PRKCQ: variants seen among roughly 807,000 people sequenced by gnomAD.
The protein encoded by PRKCQ is protein kinase C theta type.
A neutral mutation model predicts 91.2 loss-of-function variants in PRKCQ; 41 were observed. The observed-to-expected ratio is 0.45, with a 90% CI of 0.35 to 0.58. PRKCQ has a LOEUF of 0.58. PRKCQ is among the 20% of genes least tolerant of loss of function. The probability of loss-of-function intolerance (pLI) is 0.00; values close to 1 mark genes in which losing one functional copy is unlikely to be tolerated. For synonymous variants in PRKCQ, 307 were observed against 316.9 expected (o/e 0.97, Z 0.33); for missense variants, 673 against 896.5 (o/e 0.75, Z 3.18).
chr10:6,429,569 C>T (rs986974998), intron 17 of PRKCQ, among the ~76,000 whole-genome samples: 3 of 152,076 alleles, frequency 2.0e-5, no homozygotes, highest in African/African-American at 4.8e-5. Flanking sequence ...TGAGCCTGGC[C>T]CCCTTCAGCA....
At chr10:6,509,143 G>A (rs897568658) in intron 3 of PRKCQ, among the ~76,000 whole-genome samples, 2 of 152,144 alleles carry the variant, frequency 1.3e-5, no homozygotes, top group Non-Finnish European at 2.9e-5. Flanking sequence ...TTGGTTAAAT[G>A]AGCATCTGAA....
chr10:6,501,967 G>T (rs762207785), intron 4 of PRKCQ, among the ~76,000 whole-genome samples: 1 of 152,198 alleles, frequency 6.6e-6, no homozygotes, highest in Non-Finnish European at 1.5e-5. Context: ...GGTAGGAATA[G>T]CCATTGTGTG....
intron 1 of PRKCQ, among the ~76,000 whole-genome samples, chr10:6,528,420 C>T (rs569651247): frequency 6.6e-6 from 1 of 152,218 alleles, no homozygotes; most frequent in East Asian, 1.9e-4. Context: ...GCATCCTCCT[C>T]GGTTGGCAGG....
intron 15 of PRKCQ, among the ~76,000 whole-genome samples, chr10:6,450,469 A>C (rs1194581878): frequency 6.6e-6 from 1 of 152,218 alleles, no homozygotes; most frequent in African/African-American, 2.4e-5. Context: ...AGACTCCCAC[A>C]CAATAATAAT....
intron 1 of PRKCQ, among the ~76,000 whole-genome samples, chr10:6,521,919 T>G (rs1439501298): frequency 2.1e-5 from 1 of 47,170 alleles, no homozygotes; most frequent in African/African-American, 5.0e-5. Flanking sequence ...TATGTTATGT[T>G]ATGTTATTTA....
At chr10:6,411,034 A>ACAC in the PRKCQ span, among the ~76,000 whole-genome samples, 1 of 152,086 alleles carries the variant, frequency 6.6e-6, no homozygotes, top group East Asian at 1.9e-4. Context: ...CTGTTGAGAA[A>ACAC]CACGGCGGAC....
the PRKCQ span, among the ~76,000 whole-genome samples, chr10:6,413,590 A>G: frequency 1.3e-4 from 5 of 38,366 alleles, no homozygotes; most frequent in African/African-American, 3.3e-4. Flanking sequence ...CCACTTGTGC[A>G]CACACACACA....
At chr10:6,394,589 A>G in the PRKCQ span, among the ~76,000 whole-genome samples, 1 of 152,208 alleles carries the variant, frequency 6.6e-6, no homozygotes, top group Non-Finnish European at 1.5e-5. Context: ...TGCCAGGGGC[A>G]CCGGCTTTCT....
At chr10:6,396,909 G>A in the PRKCQ span, among the ~76,000 whole-genome samples, 1 of 152,180 alleles carries the variant, frequency 6.6e-6, no homozygotes, top group South Asian at 2.1e-4. Flanking sequence ...AGCACTGTAT[G>A]TTGGTTAATT....
chr10:6,447,992 C>T (rs1198559551), intron 15 of PRKCQ, among the ~76,000 whole-genome samples: 1 of 152,174 alleles, frequency 6.6e-6, no homozygotes, highest in African/African-American at 2.4e-5. Context: ...TGAAAGAAAA[C>T]TTCACCAAGT....
chr10:6,444,753 G>A (rs1214410662), intron 15 of PRKCQ, among the ~76,000 whole-genome samples: 3 of 151,962 alleles, frequency 2.0e-5, no homozygotes, highest in Non-Finnish European at 4.4e-5. Flanking sequence ...TTTTGTTGGC[G>A]CTACTCGTAT....
intron 13 of PRKCQ, among the ~76,000 whole-genome samples, 199 bp from the exon 14 acceptor site, chr10:6,462,564 A>C (rs927801184): frequency 4.6e-5 from 7 of 152,246 alleles, no homozygotes; most frequent in African/African-American, 1.4e-4. Context: ...CTCCAGCCTC[A>C]GTCCTAACAG....
chr10:6,553,754 T>A (rs1384713131), intron 1 of PRKCQ, among the ~76,000 whole-genome samples: 4 of 152,204 alleles, frequency 2.6e-5, no homozygotes, highest in South Asian at 4.1e-4. Context: ...GCACATATCT[T>A]CAACTTTGGC....
At chr10:6,575,601 G>A (rs1841200050) in intron 1 of PRKCQ, among the ~76,000 whole-genome samples, 1 of 152,164 alleles carries the variant, frequency 6.6e-6, no homozygotes, top group Non-Finnish European at 1.5e-5. Context: ...CTAGAAAAAG[G>A]TGTATATGCT....
chr10:6,476,196 C>A (rs187486168), intron 12 of PRKCQ, among the ~76,000 whole-genome samples: 1 of 151,526 alleles, frequency 6.6e-6, no homozygotes, highest in Non-Finnish European at 1.5e-5. Context: ...GGGACAGAAA[C>A]AAATGCTGCC....
intron 1 of PRKCQ, among the ~76,000 whole-genome samples, chr10:6,553,326 C>T (rs538174114): frequency 6.6e-6 from 1 of 151,838 alleles, no homozygotes; most frequent in Non-Finnish European, 1.5e-5. Context: ...CCTGCCTCTA[C>T]TAAAAATACA....
intron 2 of PRKCQ, 68 bp downstream of exon 2, chr10:6,514,950 G>C: frequency 6.2e-7 from 1 of 1,604,160 alleles, no homozygotes; most frequent in Non-Finnish European, 8.5e-7. Flanking sequence ...GGAAGACCTT[G>C]CTTCATACAC....
chr10:6,451,170 A>G (rs1834652385), intron 15 of PRKCQ, among the ~76,000 whole-genome samples: 1 of 150,338 alleles, frequency 6.7e-6, no homozygotes, highest in Admixed American at 6.6e-5. Flanking sequence ...CAAAATTGAT[A>G]GACCGCTAGC....
At chr10:6,518,041 G>T (rs1838843148) in intron 1 of PRKCQ, among the ~76,000 whole-genome samples, 6 of 152,234 alleles carry the variant, frequency 3.9e-5, no homozygotes, top group African/African-American at 1.4e-4. Context: ...TGGTTGCCAG[G>T]AGTTGCAGCA....
Sources: gnomAD v4.1 joint callset for allele counts (sites outside exome capture counted in the v4.1 genomes callset) on GRCh38, gnomAD v4.1.1 for gene constraint, MANE v1.5 for transcripts, NCBI Gene and HGNC (gene_info 2026-07-23, HGNC 2026-07-21) for gene names.